Variants in RIIAD1 observed in about 807,000 individuals in gnomAD.
The protein encoded by RIIAD1 is regulatory subunit of type II PKA R-subunit domain containing 1.
A neutral mutation model predicts 13.3 loss-of-function variants in RIIAD1; 15 were observed. The ratio of observed to expected loss-of-function variants is 1.13; its 90% confidence interval spans 0.76 to 1.74. The LOEUF is 1.74. Among genes scored for constraint, RIIAD1 ranks in the 40% most tolerant of loss-of-function variants. The probability of loss-of-function intolerance (pLI) is 0.00; values close to 1 mark genes in which losing one functional copy is unlikely to be tolerated. For synonymous variants in RIIAD1, 50 were observed against 43.3 expected (o/e 1.16, Z -0.61); for missense variants, 121 against 112.2 (o/e 1.08, Z -0.35).
At chr1:151,718,569 G>A (rs1170919243), upstream of RIIAD1, among the ~76,000 whole-genome samples, 1 of 151,624 alleles carries the variant, frequency 6.6e-6, no homozygotes, top group East Asian at 1.9e-4. Flanking sequence ...TCCTTCCTTA[G>A]CCTGTTTTTT....
intron 1 of RIIAD1, 74 bp downstream of exon 1, chr1:151,721,694 A>G: frequency 1.1e-6 from 1 of 873,512 alleles, no homozygotes; most frequent in East Asian, 3.2e-5. Flanking sequence ...CAGACTGGGA[A>G]GAGAGCCGCC....
chr1:151,723,770 A>G (rs1673780986), intron 2 of RIIAD1, among the ~76,000 whole-genome samples: 2 of 152,196 alleles, frequency 1.3e-5, no homozygotes, highest in Non-Finnish European at 2.9e-5. Context: ...AAATTCTCAG[A>G]GGGCAGATAG....
intron 4 of RIIAD1, chr1:151,715,811 C>T (rs1040608259): frequency 8.1e-6 from 13 of 1,595,464 alleles, no homozygotes; most frequent in Non-Finnish European, 1.0e-5. Context: ...CCCCTCCAGC[C>T]TGGCTTAACT....
At chr1:151,719,916 T>C (rs1373062728), upstream of RIIAD1, among the ~76,000 whole-genome samples, 1 of 152,164 alleles carries the variant, frequency 6.6e-6, no homozygotes, top group African/African-American at 2.4e-5. Context: ...CCTGTGTGTG[T>C]TTGAGTGTGT....
intron 2 of RIIAD1, among the ~76,000 whole-genome samples, chr1:151,722,959 A>ATTCT (rs1673764609): frequency 6.6e-6 from 1 of 152,228 alleles, no homozygotes; most frequent in African/African-American, 2.4e-5. Context: ...TAAGCTTAGA[A>ATTCT]AGGTGAAGTA....
intron 2 of RIIAD1, among the ~76,000 whole-genome samples, chr1:151,722,747 C>A (rs1368580798): frequency 6.6e-6 from 1 of 152,150 alleles, no homozygotes; most frequent in Non-Finnish European, 1.5e-5. Context: ...TTGTGCTGTT[C>A]CCCTACATTA....
Position 151,713,468 on chromosome 1 carries a change from G to T in RIIAD1, c.-185-1G>T, listed in dbSNP as rs1288068084. 6.6e-5 allele frequency: 10 copies of T among 152,232 alleles called. No individual in the cohort carries two copies. Among genetic ancestry groups the T allele is most frequent in the African/African-American group, 2.2e-4 (9 of 41,468 alleles). 9.4% of individuals were successfully genotyped at this position (152,232 alleles called of 1,614,324 possible). A position where few individuals can be genotyped will look rare whatever the true frequency, so the allele number is the denominator to read the frequency against. On this transcript the variant is annotated splice_acceptor_variant, in intron 2 of 8. Coordinates refer to the RIIAD1 transcript ENST00000326413. LOFTEE classifies it low-confidence loss of function (5UTR_SPLICE). ...CCTCTGACCCCCTCTCATTTCTGCA[G>T]GGGCTCTGAGATAGGGAGACAACAG...
upstream of RIIAD1, chr1:151,721,508 C>A (rs1673734285): frequency 7.0e-6 from 9 of 1,284,232 alleles, no homozygotes; most frequent in South Asian, 1.3e-4. Flanking sequence ...CGCCGGCTCG[C>A]GGCCGGTCGC....
chr1:151,724,802 T>A (rs952792264), intron 2 of RIIAD1, among the ~76,000 whole-genome samples: 1 of 98,580 alleles, frequency 1.0e-5, no homozygotes, highest in African/African-American at 2.7e-5. Context: ...TTGTAGAAAG[T>A]ATTTTTTTTT....
intron 3 of RIIAD1, 106 bp from the exon 4 acceptor site, chr1:151,728,660 C>T (rs1201868013): frequency 7.0e-6 from 5 of 711,892 alleles, no homozygotes; most frequent in South Asian, 3.0e-5. Flanking sequence ...AGCAGTCCTG[C>T]GTACCAAGCC....
intron 4 of RIIAD1, chr1:151,715,535 C>CAA: frequency 9.3e-7 from 1 of 1,072,096 alleles, no homozygotes; most frequent in South Asian, 1.3e-5. Context: ...CACACACACA[C>CAA]ACCCCTACCC....
At chr1:151,716,061 G>A in intron 4 of RIIAD1, 1 of 1,564,542 alleles carries the variant, frequency 6.4e-7, no homozygotes, top group Non-Finnish European at 8.7e-7. Flanking sequence ...AGCAGGGAGA[G>A]GCCCAAAGGC....
At chr1:151,720,488 C>T (rs1042001233), upstream of RIIAD1, among the ~76,000 whole-genome samples, 1 of 152,200 alleles carries the variant, frequency 6.6e-6, no homozygotes, top group East Asian at 1.9e-4. Flanking sequence ...TAGCCCACTA[C>T]CTAATTTACT....
chr1:151,714,110 G>A (rs1197712836), intron 3 of RIIAD1, among the ~76,000 whole-genome samples: 1 of 152,112 alleles, frequency 6.6e-6, no homozygotes, highest in Non-Finnish European at 1.5e-5. Context: ...GAGACAGAAG[G>A]GAGATGAGAG....
upstream of RIIAD1, among the ~76,000 whole-genome samples, chr1:151,719,111 G>A (rs965705420): frequency 6.6e-6 from 1 of 152,176 alleles, no homozygotes; most frequent in South Asian, 2.1e-4. Flanking sequence ...AGCAAAATGC[G>A]TCCAGTCCTT....
chr1:151,714,711 G>A (rs112842239), intron 4 of RIIAD1: 2 of 1,434,356 alleles, frequency 1.4e-6, no homozygotes, highest in Non-Finnish European at 1.9e-6. Flanking sequence ...ACACGGCGGG[G>A]GGTGAGTCCT....
chr1:151,718,322 A>T (rs1465708774), upstream of RIIAD1, among the ~76,000 whole-genome samples: 2 of 126,188 alleles, frequency 1.6e-5, no homozygotes, highest in African/African-American at 2.5e-5. Flanking sequence ...GGAGGTAACC[A>T]AGACACAGAG....
intron 2 of RIIAD1, among the ~76,000 whole-genome samples, chr1:151,726,734 T>C (rs1016653231): frequency 2.0e-5 from 3 of 152,246 alleles, no homozygotes; most frequent in African/African-American, 4.8e-5. Context: ...TAAAACTCTA[T>C]GCAATGTAAG....
At position 151,722,085 on chromosome 1, in the gene RIIAD1, G is replaced by C. The variant is rs1312205776; in HGVS notation, c.85-1G>C. 1 of 1,549,460 alleles carries C rather than the reference G, an allele frequency of 6.5e-7. No homozygotes were observed. The highest frequency in any genetic ancestry group is 1.2e-5 in the South Asian group (1 of 84,008). ...AGTGACCCTTTGTTCTTGCCCCCCA[G>C]ATTCAGACTCGGATTGCTAACGAAA... On this transcript the variant is annotated splice_acceptor_variant, in intron 1 of 4. Coordinates refer to ENST00000479191, the MANE Select transcript of RIIAD1 (RefSeq NM_001144956.3). LOFTEE classifies it high-confidence loss of function.
Sources: gnomAD v4.1 joint callset for allele counts (sites outside exome capture counted in the v4.1 genomes callset) on GRCh38, gnomAD v4.1.1 for gene constraint, MANE v1.5 for transcripts, NCBI Gene and HGNC (gene_info 2026-07-23, HGNC 2026-07-21) for gene names.